Variants in UPF1 observed in about 807,000 individuals in gnomAD.
UPF1 encodes the protein UPF1 RNA helicase and ATPase.
In UPF1, 9 loss-of-function variants were observed where a neutral mutation model predicts 129.2. That is an observed-to-expected ratio of 0.07 (90% CI 0.04 to 0.12). UPF1 has a LOEUF of 0.12. Ranked by LOEUF, UPF1 falls within the 10% of genes least tolerant of loss-of-function variation. The pLI is 1.00. For missense variants in UPF1, 788 were observed against 1,525.3 expected (o/e 0.52, Z 8.05); for synonymous variants, 649 against 644.9 (o/e 1.01, Z -0.10).
intron 2 of UPF1, 80 bp from the exon 3 acceptor site, chr19:18,847,664 A>C: frequency 7.3e-7 from 1 of 1,361,052 alleles, no homozygotes; most frequent in East Asian, 2.3e-5. Flanking sequence ...ATGTTGTCAG[A>C]GGAAAGAATT....
At position 18,851,148 on chromosome 19, in the gene UPF1, AG is replaced by A. The variant is rs1357825320; in HGVS notation, c.810+284del. 1 of 322,456 alleles carries A rather than the reference AG, an allele frequency of 3.1e-6. No individual in the cohort carries two copies. The highest frequency in any genetic ancestry group is 5.8e-6 in the Non-Finnish European group (1 of 173,554). 20.0% of individuals were successfully genotyped at this position (322,456 alleles called of 1,614,324 possible). ...TGCCGGGGTGAGGATGGGTGGTGGG[AG>A]GGGAAGAATGGGGCTGGCTGTGGGC... On this transcript the variant is annotated intron_variant, in intron 5 of 23. Transcript: ENST00000262803. The surrounding 1 kb of genome is among the most constrained non-coding windows in gnomAD (Gnocchi z 4.2).
At position 18,853,215 on chromosome 19, in the gene UPF1, G is replaced by A. The variant is rs961097153; in HGVS notation, c.1058-37G>A. On this transcript the variant is annotated intron_variant, in intron 7 of 23. Transcript: ENST00000262803. This position sits in a 1 kb window ranked among gnomAD's most constrained non-coding sequence, Gnocchi z 4.4. ...CTCCCTGGTGGAAGCGACGGCGTGG[G>A]TTAAAATGGCCACCTCTCTCACTTT... 1.8e-5 allele frequency: 29 copies of A among 1,602,298 alleles called. No homozygotes were observed. The highest frequency in any genetic ancestry group is 2.2e-5 in the East Asian group (1 of 44,666).
intron 11 of UPF1, 23 bp downstream of exon 11, chr19:18,855,265 G>A (rs374695532): frequency 1.0e-5 from 16 of 1,605,284 alleles, no homozygotes; most frequent in African/African-American, 1.3e-5. Flanking sequence ...CGGCCCTTGC[G>A]GGCAAGACCC....
chr19:18,854,829 G>A, intron 9 of UPF1, 50 bp from the exon 10 acceptor site: 3 of 1,609,138 alleles, frequency 1.9e-6, no homozygotes, highest in Non-Finnish European at 1.7e-6. Flanking sequence ...CAGGATGTCG[G>A]AGAGGCGGCC....
chr19:18,843,011 A>G (rs1450128346), intron 1 of UPF1, among the ~76,000 whole-genome samples: 1 of 151,904 alleles, frequency 6.6e-6, no homozygotes, highest in African/African-American at 2.4e-5. Context: ...ATTTAAATAG[A>G]GATGGGGCCT....
intron 1 of UPF1, among the ~76,000 whole-genome samples, chr19:18,840,077 G>A (rs1199956011): frequency 6.6e-6 from 1 of 152,182 alleles, no homozygotes; most frequent in African/African-American, 2.4e-5. Flanking sequence ...GACCAAGGCT[G>A]GGAGGAGGGC....
chr19:18,864,146 C>G, intron 19 of UPF1, 24 bp from the exon 20 acceptor site: 1 of 1,609,734 alleles, frequency 6.2e-7, no homozygotes, highest in Non-Finnish European at 8.5e-7. Flanking sequence ...ATGACAAATT[C>G]CTCACCTATC....
rs568709000 is a variant in UPF1 at position 18,866,962 on chromosome 19, C to T, written c.*445C>T. ...AGACAGCAGCGTGCGGGGCAGAGCCCCGGGAGGGCGCGTCTGTCCACGCCT... is the reference window on the plus strand; with the variant it reads ...AGACAGCAGCGTGCGGGGCAGAGCCTCGGGAGGGCGCGTCTGTCCACGCCT... On this transcript the variant is annotated 3_prime_UTR_variant, in exon 24 of 24. Coordinates refer to ENST00000262803, the MANE Select transcript of UPF1 (RefSeq NM_002911.4). The T allele has an allele frequency of 6.5e-6, 1 of 152,724 alleles. No individual in the cohort carries two copies. The highest frequency in any genetic ancestry group is 2.1e-4 in the South Asian group (1 of 4,832). The allele number at this position is 152,724 out of a possible 1,614,324, so 9.5% of individuals were successfully genotyped here.
At position 18,857,466 on chromosome 19, in the gene UPF1, C is replaced by T. The variant is rs529487125; in HGVS notation, c.2115C>T (p.His705=). The change falls in exon 15 of 24, where the codon CAC becomes CAT. Residue 705 remains histidine (H), a synonymous_variant. Coordinates refer to ENST00000262803, the MANE Select transcript of UPF1 (RefSeq NM_002911.4). ...GCCTGCAGGTCCAGTACCGGATGCA[C>T]CCTGCACTCAGCGCCTTCCCATCCA... is the stretch of plus-strand genomic sequence containing the variant. ...PIRLQVQYRM[H]PALSAFPSNI... is the part of the protein sequence containing the mutation. The T allele has an allele frequency of 1.9e-5, 30 of 1,613,810 alleles. No individual in the cohort carries two copies. The South Asian group carries it at 2.2e-4, about 12-fold the overall frequency.
chr19:18,863,809 G>A (rs192429249), intron 19 of UPF1, among the ~76,000 whole-genome samples, 197 bp downstream of exon 19: 17 of 152,256 alleles, frequency 1.1e-4, no homozygotes, highest in Admixed American at 3.9e-4. Flanking sequence ...GCTTGGGGCC[G>A]CTAAGTCCTG....
rs552590012 is a variant in UPF1 at position 18,856,099 on chromosome 19, G to A, written c.1709+10G>A. On this transcript the variant is annotated intron_variant, in intron 12 of 23. Transcript: ENST00000262803. ...TCAGGAACATGGACAGGTGTGTGTC[G>A]AGTCCATCCCTCCCAGTTGGTCCCT... The A allele has an allele frequency of 1.1e-5, 17 of 1,611,804 alleles. No homozygotes were observed. Among genetic ancestry groups the A allele is most frequent in the South Asian group, 9.9e-5 (9 of 90,986 alleles).
chr19:18,865,944 G>T lies in UPF1; in HGVS notation c.3238-100G>T. ...AGTGGGTCTCCTGGGTCTTAGTTTG[G>T]GGACGGGTTTTCCATTCTTTTCTCT... On this transcript the variant is annotated intron_variant, in intron 22 of 23. Transcript: ENST00000262803. This position sits in a 1 kb window ranked among gnomAD's most constrained non-coding sequence, Gnocchi z 6.1. The T allele has an allele frequency of 6.3e-7, 1 of 1,593,284 alleles. No homozygotes were observed. The highest frequency in any genetic ancestry group is 8.5e-7 in the Non-Finnish European group (1 of 1,173,938).
At position 18,865,853 on chromosome 19, in the gene UPF1, C is replaced by T. The variant is rs1021380799; in HGVS notation, c.3237+75C>T. On this transcript the variant is annotated intron_variant, in intron 22 of 23. Transcript: ENST00000262803. The surrounding 1 kb of genome is among the most constrained non-coding windows in gnomAD (Gnocchi z 6.1). Reference sequence around the variant, plus strand: ...CACCTGAAACATTCCCTCTGAAGAGCCCCAGAGAGCTGGCCTGGCCCATGT... The same window carrying T: ...CACCTGAAACATTCCCTCTGAAGAGTCCCAGAGAGCTGGCCTGGCCCATGT... 1.3e-6 allele frequency: 2 copies of T among 1,592,932 alleles called. No individual in the cohort carries two copies. The highest frequency in any genetic ancestry group is 3.4e-5 in the Admixed American group (2 of 59,464).
chr19:18,866,622 CTG>C lies in UPF1; in HGVS notation c.*106_*107del, dbSNP rs2055847271. On this transcript the variant is annotated 3_prime_UTR_variant, in exon 24 of 24. Transcript: ENST00000262803. ...GGATACCTGTTTTCCACTGCTAAAA[CTG>C]AAGCACCACTGTGTGAGCAACAGGA... The C allele has an allele frequency of 6.5e-6, 1 of 153,858 alleles. No homozygotes were observed. The highest frequency in any genetic ancestry group is 6.5e-5 in the Admixed American group (1 of 15,306). The allele number at this position is 153,858 out of a possible 1,614,324, so 9.5% of individuals were successfully genotyped here.
chr19:18,845,603 G>C (rs1419639114), intron 1 of UPF1, among the ~76,000 whole-genome samples: 1 of 152,148 alleles, frequency 6.6e-6, no homozygotes, highest in African/African-American at 2.4e-5. Context: ...CTTACACTGT[G>C]GTGGGTCTGG....
intron 11 of UPF1, chr19:18,855,674 T>G: frequency 1.8e-6 from 1 of 552,182 alleles, no homozygotes; most frequent in East Asian, 3.2e-5. Context: ...GGGTGAGACG[T>G]CTCTACAAAA....
intron 20 of UPF1, 94 bp downstream of exon 20, chr19:18,864,345 T>C: frequency 8.3e-7 from 1 of 1,200,568 alleles, no homozygotes; most frequent in Non-Finnish European, 1.2e-6. Flanking sequence ...CCCCCATCTT[T>C]CCTTCCCCTC....
chr19:18,850,789 A>G lies in UPF1; in HGVS notation c.731A>G (p.Lys244Arg). ...CGCTGCTTCCTGTCCTGGCTGGTCA[A>G]GATCCCCTCCGAGCAGGAGCAGCTG... is the stretch of plus-strand genomic sequence containing the variant. ...QDRCFLSWLVKIPSEQEQLRA... is the reference protein window; with the variant it reads ...QDRCFLSWLVRIPSEQEQLRA... The change falls in exon 5 of 24, where the codon AAG (lysine) becomes AGG (arginine). Residue 244 changes from lysine to arginine, a missense_variant. This residue lies in a region of UPF1 where 227 missense variants were observed against 517.9 expected (regional missense o/e 0.44). Transcript: ENST00000262803. The surrounding 1 kb of genome is among the most constrained non-coding windows in gnomAD (Gnocchi z 7.1). 6.2e-7 allele frequency: 1 copy of G among 1,611,214 alleles called. No homozygotes were observed. The highest frequency in any genetic ancestry group is 8.5e-7 in the Non-Finnish European group (1 of 1,179,076).
intron 1 of UPF1, among the ~76,000 whole-genome samples, chr19:18,843,973 C>G (rs556059892): frequency 6.6e-6 from 1 of 152,042 alleles, no homozygotes; most frequent in Non-Finnish European, 1.5e-5. Flanking sequence ...GTCTTGAGAA[C>G]TCCCGGGCTC....
Sources: gnomAD v4.1 joint callset for allele counts (sites outside exome capture counted in the v4.1 genomes callset) on GRCh38, gnomAD v4.1.1 for gene constraint, gnomAD v4.1.1 regional missense constraint, Gnocchi (gnomAD v3.1) non-coding constraint, MANE v1.5 for transcripts, NCBI Gene and HGNC (gene_info 2026-07-23, HGNC 2026-07-21) for gene names.